Variants in BNC2 observed in about 807,000 individuals in gnomAD.
The protein encoded by BNC2 is basonuclin zinc finger protein 2.
A neutral mutation model predicts 76.3 loss-of-function variants in BNC2; 20 were observed. That is an observed-to-expected ratio of 0.26 (90% CI 0.18 to 0.38). BNC2 has a LOEUF of 0.38. Among genes scored for constraint, BNC2 ranks in the 10% least tolerant of loss-of-function variants. The probability of loss-of-function intolerance (pLI) is 1.00; values close to 1 mark genes in which losing one functional copy is unlikely to be tolerated. For missense variants in BNC2, 1,382 were observed against 1,399.8 expected (o/e 0.99, Z 0.20); for synonymous variants, 582 against 514.8 (o/e 1.13, Z -1.77).
chr9:16,721,487 A>T (rs1824156674), intron 3 of BNC2, among the ~76,000 whole-genome samples: 1 of 152,150 alleles, frequency 6.6e-6, no homozygotes. Context: ...GGCAGACAGT[A>T]GTGAGATCCA....
intron 6 of BNC2, among the ~76,000 whole-genome samples, chr9:16,421,527 C>T (rs534392455): frequency 4.7e-4 from 71 of 152,220 alleles, no homozygotes; most frequent in African/African-American, 1.6e-3. Flanking sequence ...AATCATAAAT[C>T]GAATTAACAC....
chr9:16,488,337 CAG>C (rs1822208296), intron 5 of BNC2, among the ~76,000 whole-genome samples: 2 of 152,260 alleles, frequency 1.3e-5, no homozygotes, highest in South Asian at 4.1e-4. Flanking sequence ...TTTAAGTAAT[CAG>C]AGTGGTGACA....
intron 5 of BNC2, among the ~76,000 whole-genome samples, chr9:16,502,008 C>G (rs930436430): frequency 6.6e-6 from 1 of 152,052 alleles, no homozygotes; most frequent in Non-Finnish European, 1.5e-5. Flanking sequence ...CTGCTAGTCC[C>G]AAGAAAAAGG....
rs529116535 is a variant in BNC2, at chr9:16,681,399, G to A, written c.330+46398C>T. Among the ~76,000 whole-genome samples the A allele has an allele frequency of 4.6e-5, 7 of 152,258 alleles. No homozygotes were observed. In the South Asian group the frequency reaches 1.5e-3, roughly 32 times the overall value. ...ATGTATTGCTTGTGTGTCCCTGGCA[G>A]ATGTGGAAAGGAGATGAAATGGGCA... is the stretch of plus-strand genomic sequence containing the variant. On this transcript the variant is annotated intron_variant, in intron 3 of 6. Transcript: ENST00000380672.
intron 1 of BNC2, among the ~76,000 whole-genome samples, chr9:16,825,805 A>C (rs1158534975): frequency 6.6e-6 from 1 of 152,170 alleles, no homozygotes; most frequent in East Asian, 1.9e-4. Context: ...TATGATTGTG[A>C]CATGTTCATT....
At chr9:16,523,394 C>A (rs1817682133) in intron 5 of BNC2, among the ~76,000 whole-genome samples, 1 of 150,852 alleles carries the variant, frequency 6.6e-6, no homozygotes, top group South Asian at 2.1e-4. Flanking sequence ...TGGCATGAAC[C>A]CGGGAGGCGG....
intron 5 of BNC2, among the ~76,000 whole-genome samples, chr9:16,550,650 T>A (rs760253644): frequency 6.6e-6 from 1 of 152,224 alleles, no homozygotes; most frequent in Non-Finnish European, 1.5e-5. Context: ...AGATACAATG[T>A]ATATGCTTGT....
intron 3 of BNC2, among the ~76,000 whole-genome samples, chr9:16,712,793 C>T (rs1823887453): frequency 6.6e-6 from 1 of 152,194 alleles, no homozygotes; most frequent in Admixed American, 6.5e-5. Context: ...CTAATACATC[C>T]AGTTAACTGC....
chr9:16,578,252 C>T (rs939255600), intron 4 of BNC2, among the ~76,000 whole-genome samples: 1 of 152,106 alleles, frequency 6.6e-6, no homozygotes, highest in Non-Finnish European at 1.5e-5. Flanking sequence ...TCCTAAAACG[C>T]CTTAGAATTC....
chr9:16,437,247 G>A lies in BNC2; in HGVS notation c.947C>T (p.Pro316Leu). The change falls in exon 6 of 7, where the codon CCA (proline) becomes CTA (leucine). Residue 316 changes from proline to leucine, a missense_variant. Transcript: ENST00000380672. ...TGGAAGCAGAAATGCAAGGCTGTTT[G>A]GGATGTTTTCGAAGTGATGAATGCT... ...PSSIHHFENI[P>L]NSLAFLLPFQ... The A allele has an allele frequency of 1.9e-6, 3 of 1,614,132 alleles. No homozygotes were observed. Among genetic ancestry groups the A allele is most frequent in the Non-Finnish European group, 2.5e-6 (3 of 1,180,028 alleles).
At chr9:16,766,915 G>C (rs2135426564) in intron 1 of BNC2, among the ~76,000 whole-genome samples, 1 of 152,316 alleles carries the variant, frequency 6.6e-6, no homozygotes, top group African/African-American at 2.4e-5. Context: ...GTTTTATGGA[G>C]TAAAGATGAA....
At position 16,800,350 on chromosome 9, in the gene BNC2, A is replaced by G. The variant is rs151127697; in HGVS notation, c.4-61865T>C. The stretch of plus-strand genomic sequence containing the variant: ...AGAAACGAAATACTATCTAAGTACC[A>G]TATACATGTCTTTTTGCATAGTATA... On this transcript the variant is annotated intron_variant, in intron 1 of 6. Transcript: ENST00000380672. Among the ~76,000 whole-genome samples, 472 of 152,292 alleles carry G rather than the reference A, an allele frequency of 3.1e-3. 2 individuals carry two copies. Among genetic ancestry groups the G allele is most frequent in the South Asian group, 0.011 (54 of 4,818 alleles).
At chr9:16,600,258 T>C (rs1820209859) in intron 3 of BNC2, among the ~76,000 whole-genome samples, 1 of 152,208 alleles carries the variant, frequency 6.6e-6, no homozygotes, top group Admixed American at 6.5e-5. Context: ...CACAATTCAA[T>C]ATGATTTTTC....
chr9:16,552,802 G>A (rs1375611616), intron 4 of BNC2, 37 bp from the exon 5 acceptor site: 2 of 1,524,774 alleles, frequency 1.3e-6, no homozygotes, highest in Non-Finnish European at 1.8e-6. Context: ...AGATGGGGGT[G>A]TTGGGAATAA....
At chr9:16,454,468 T>A (rs1445648587) in intron 5 of BNC2, among the ~76,000 whole-genome samples, 1 of 152,136 alleles carries the variant, frequency 6.6e-6, no homozygotes, top group Non-Finnish European at 1.5e-5. Context: ...ACCCAGCTAA[T>A]TTTTTATTTT....
chr9:16,653,512 C>T (rs1563881567), intron 3 of BNC2, among the ~76,000 whole-genome samples: 1 of 152,084 alleles, frequency 6.6e-6, no homozygotes, highest in African/African-American at 2.4e-5. Flanking sequence ...AAAGCACACA[C>T]GCTCCCTCCA....
At chr9:16,825,910 A>G (rs996076599) in intron 1 of BNC2, among the ~76,000 whole-genome samples, 3 of 152,100 alleles carry the variant, frequency 2.0e-5, no homozygotes, top group Non-Finnish European at 2.9e-5. Context: ...CTTTGGACAG[A>G]GAGAAGGGAC....
intron 5 of BNC2, among the ~76,000 whole-genome samples, chr9:16,499,540 T>C (rs1472485435): frequency 4.0e-5 from 6 of 148,502 alleles, no homozygotes; most frequent in Non-Finnish European, 6.0e-5. Flanking sequence ...CTTTTTTTTT[T>C]TTTTTTTGAG....
chr9:16,840,648 A>G (rs1375553774), intron 1 of BNC2, among the ~76,000 whole-genome samples: 1 of 152,208 alleles, frequency 6.6e-6, no homozygotes. Context: ...ACCAAAAGCA[A>G]AAAAGAATTA....
Sources: allele counts gnomAD v4.1 joint callset (sites outside exome capture counted in the v4.1 genomes callset), GRCh38; gene constraint gnomAD v4.1.1; transcripts MANE v1.5; gene names NCBI Gene and HGNC (gene_info 2026-07-23, HGNC 2026-07-21).